Variants in ARHGAP15 observed in about 807,000 individuals in gnomAD.
ARHGAP15 encodes Rho GTPase activating protein 15, also known as rho GTPase-activating protein 15.
In ARHGAP15, 51 loss-of-function variants were observed where a neutral mutation model predicts 63.7. The observed-to-expected ratio is 0.80, with a 90% CI of 0.64 to 1.01. ARHGAP15 has a LOEUF of 1.01. Ranked by LOEUF, ARHGAP15 falls within the 50% of genes least tolerant of loss-of-function variation. ARHGAP15 has a pLI of 0.00. For synonymous variants in ARHGAP15, 191 were observed against 193.8 expected (o/e 0.99, Z 0.12); for missense variants, 560 against 564.6 (o/e 0.99, Z 0.08).
rs191375188 is a variant in ARHGAP15, at chr2:143,426,466, G to A, written c.475-9135G>A. On this transcript the variant is annotated intron_variant, in intron 6 of 13. Transcript: ENST00000295095. Reference sequence around the variant, plus strand: ...TCATGGGCTTCTGTAAGGGAACTGCGGTGCATTTCCTAGGTTGGTATGTTC... The same window carrying A: ...TCATGGGCTTCTGTAAGGGAACTGCAGTGCATTTCCTAGGTTGGTATGTTC... 3.3e-5 allele frequency among the ~76,000 whole-genome samples: 5 copies of A among 152,206 alleles called. No individual in the cohort carries two copies. In the East Asian group the frequency reaches 7.7e-4, roughly 24 times the overall value.
intron 6 of ARHGAP15, among the ~76,000 whole-genome samples, chr2:143,399,306 G>A (rs1050062205): frequency 1.3e-5 from 2 of 151,374 alleles, no homozygotes; most frequent in Admixed American, 1.3e-4. Context: ...TAGAAGAAGA[G>A]GGGTACAAGC....
chr2:143,341,418 G>A (rs750963529), intron 6 of ARHGAP15, among the ~76,000 whole-genome samples: 1 of 152,126 alleles, frequency 6.6e-6, no homozygotes, highest in Non-Finnish European at 1.5e-5. Context: ...TTCTGGCAAT[G>A]TGTGAGGTTT....
intron 10 of ARHGAP15, among the ~76,000 whole-genome samples, chr2:143,551,018 G>T (rs938731336): frequency 1.1e-4 from 16 of 152,132 alleles, no homozygotes; most frequent in African/African-American, 3.9e-4. Flanking sequence ...GAGAAAGAGG[G>T]TGTACAGATA....
chr2:143,541,762 C>T (rs898340227), intron 10 of ARHGAP15, among the ~76,000 whole-genome samples: 3 of 152,162 alleles, frequency 2.0e-5, no homozygotes, highest in African/African-American at 7.2e-5. Flanking sequence ...GAGTACCCGG[C>T]CGTGTGAGGT....
At chr2:143,673,674 A>G (rs549286294) in intron 12 of ARHGAP15, among the ~76,000 whole-genome samples, 1 of 146,300 alleles carries the variant, frequency 6.8e-6, no homozygotes, top group Non-Finnish European at 1.5e-5. Flanking sequence ...GCAAGCCTTA[A>G]GTTGGGAGAA....
At chr2:143,193,379 G>A (rs1691752597) in intron 2 of ARHGAP15, 1 of 152,640 alleles carries the variant, frequency 6.6e-6, no homozygotes, top group Non-Finnish European at 1.5e-5. Flanking sequence ...AGAGGAGAAT[G>A]TCCTAACAGC....
intron 12 of ARHGAP15, among the ~76,000 whole-genome samples, chr2:143,636,694 T>C (rs1680334394): frequency 1.3e-5 from 2 of 152,164 alleles, no homozygotes; most frequent in African/African-American, 4.8e-5. Flanking sequence ...TGTTCAGTGC[T>C]CTCCTTTCTT....
Position 143,309,866 on chromosome 2 carries a change from T to TTGTGTGTGTGTG in ARHGAP15, c.474+59284_474+59295dup, listed in dbSNP as rs10562854. 4.8e-3 allele frequency among the ~76,000 whole-genome samples: 709 copies of TTGTGTGTGTGTG among 149,104 alleles called. 4 individuals carry two copies. The highest frequency in any genetic ancestry group is 0.016 in the African/African-American group (650 of 40,588). ...TTGAGAAACACAGACATATATGAAC[T>TTGTGTGTGTGTG]TGTGTGTGTGTGTGTGTGTGTGTGT... On this transcript the variant is annotated intron_variant, in intron 6 of 13. Coordinates refer to ENST00000295095, the MANE Select transcript of ARHGAP15 (RefSeq NM_018460.4).
In ARHGAP15 at chr2:143,524,821, G is replaced by T. The variant is rs535421935; in HGVS notation, c.925+5457G>T. ...CATGTAAATAAATACATGAATATTT[G>T]CCATATACATGTTGCATTTGCATAT... On this transcript the variant is annotated intron_variant, in intron 10 of 13. Transcript: ENST00000295095. Among the ~76,000 whole-genome samples, 12 of 152,222 alleles carry T rather than the reference G, an allele frequency of 7.9e-5. No homozygotes were observed. The East Asian group carries it at 1.4e-3, about 17-fold the overall frequency.
At chr2:143,434,261 A>G (rs899195269) in intron 6 of ARHGAP15, among the ~76,000 whole-genome samples, 1 of 152,132 alleles carries the variant, frequency 6.6e-6, no homozygotes. Flanking sequence ...TTCTTCTCAC[A>G]GTTATAGAGA....
intron 10 of ARHGAP15, among the ~76,000 whole-genome samples, chr2:143,538,764 C>T (rs919706733): frequency 2.6e-5 from 4 of 152,170 alleles, no homozygotes; most frequent in Non-Finnish European, 4.4e-5. Context: ...TTTTGATGTG[C>T]TGCTGGATTC....
At chr2:143,279,392 T>A (rs141699716) in intron 6 of ARHGAP15, among the ~76,000 whole-genome samples, 1 of 152,230 alleles carries the variant, frequency 6.6e-6, no homozygotes, top group East Asian at 1.9e-4. Context: ...TCCTGCAAAC[T>A]GGTATATATG....
intron 11 of ARHGAP15, among the ~76,000 whole-genome samples, chr2:143,562,388 A>T (rs1559052207): frequency 6.6e-6 from 1 of 152,242 alleles, no homozygotes; most frequent in East Asian, 1.9e-4. Context: ...TAGCCCTTGT[A>T]TCAAGTCCAT....
intron 2 of ARHGAP15, among the ~76,000 whole-genome samples, chr2:143,173,276 T>A (rs1033714176): frequency 2.0e-5 from 3 of 152,094 alleles, no homozygotes; most frequent in African/African-American, 7.2e-5. Context: ...TATACAAATA[T>A]GCACAGTTAT....
chr2:143,435,188 T>C (rs1313419470), intron 6 of ARHGAP15: 1 of 863,478 alleles, frequency 1.2e-6, no homozygotes, highest in Admixed American at 6.2e-5. Flanking sequence ...AAATCAAATA[T>C]AGAGATACTA....
At chr2:143,216,270 G>C in intron 3 of ARHGAP15, 114 bp from the exon 4 acceptor site, 1 of 744,510 alleles carries the variant, frequency 1.3e-6, no homozygotes, top group South Asian at 1.9e-5. Flanking sequence ...TATTAATAAA[G>C]TTCTATGACT....
At chr2:143,201,425 C>T (rs1692112327) in intron 2 of ARHGAP15, among the ~76,000 whole-genome samples, 1 of 151,974 alleles carries the variant, frequency 6.6e-6, no homozygotes, top group African/African-American at 2.4e-5. Flanking sequence ...GATGTTTTAA[C>T]ACACGTCTAC....
intron 6 of ARHGAP15, among the ~76,000 whole-genome samples, chr2:143,282,301 T>G (rs188430543): frequency 1.8e-4 from 28 of 152,110 alleles, no homozygotes; most frequent in African/African-American, 6.5e-4. Flanking sequence ...ATTATTGGTG[T>G]ATTAGTTTGT....
At chr2:143,299,533 T>A (rs1481365711) in intron 6 of ARHGAP15, among the ~76,000 whole-genome samples, 1 of 152,008 alleles carries the variant, frequency 6.6e-6, no homozygotes, top group African/African-American at 2.4e-5. Flanking sequence ...GATTATTGAA[T>A]CCTACACTGA....
Sources: gnomAD v4.1 joint callset for allele counts (sites outside exome capture counted in the v4.1 genomes callset) on GRCh38, gnomAD v4.1.1 for gene constraint, MANE v1.5 for transcripts, NCBI Gene and HGNC (gene_info 2026-07-23, HGNC 2026-07-21) for gene names.